The following FARS2 variants were observed in gnomAD, a reference collection of about 807,000 sequenced individuals.
FARS2 encodes phenylalanine--tRNA ligase, mitochondrial.
Under a neutral mutation model 46.4 loss-of-function variants are expected in FARS2, and 40 were observed. The observed-to-expected ratio is 0.86, with a 90% CI of 0.67 to 1.12. FARS2 has a LOEUF of 1.12. Ranked by LOEUF, FARS2 falls within the 50% of genes most tolerant of loss-of-function variation. The pLI is 0.00. For synonymous variants in FARS2, 234 were observed against 214.9 expected (o/e 1.09, Z -0.78); for missense variants, 513 against 567.9 (o/e 0.90, Z 0.98).
rs575773355 is a variant in FARS2 at position 5,473,707 on chromosome 6, G to C, written c.904+42535G>C. Among the ~76,000 whole-genome samples, 37 of 152,258 alleles carry C rather than the reference G, an allele frequency of 2.4e-4. No homozygotes were observed. In the South Asian group the frequency reaches 7.5e-3, roughly 31 times the overall value. Reference sequence around the variant, plus strand: ...TAGGGTGAATTTGGTAGAAGACTCAGTTTTTTATTTGCAGGCTAAATTGGA... The same window carrying C: ...TAGGGTGAATTTGGTAGAAGACTCACTTTTTTATTTGCAGGCTAAATTGGA... On this transcript the variant is annotated intron_variant, in intron 4 of 6. Coordinates refer to ENST00000274680, the MANE Select transcript of FARS2 (RefSeq NM_006567.5).
intron 4 of FARS2, among the ~76,000 whole-genome samples, chr6:5,462,458 A>G (rs1409114396): frequency 1.3e-5 from 2 of 152,066 alleles, no homozygotes; most frequent in Non-Finnish European, 2.9e-5. Flanking sequence ...GAACTATTTG[A>G]CTAACCCAAG....
At chr6:5,461,496 A>G (rs1371493124) in intron 4 of FARS2, among the ~76,000 whole-genome samples, 1 of 152,102 alleles carries the variant, frequency 6.6e-6, no homozygotes, top group Non-Finnish European at 1.5e-5. Context: ...ATCAACCCCA[A>G]AAAGTTTCCT....
At chr6:5,335,767 A>C (rs914715713) in intron 1 of FARS2, among the ~76,000 whole-genome samples, 1 of 152,232 alleles carries the variant, frequency 6.6e-6, no homozygotes, top group East Asian at 1.9e-4. Flanking sequence ...ATCAAAAGGT[A>C]TAAAACATTT....
chr6:5,461,882 A>C (rs1011726642), intron 4 of FARS2, among the ~76,000 whole-genome samples: 14 of 152,368 alleles, frequency 9.2e-5, no homozygotes, highest in Admixed American at 9.1e-4. Context: ...TGCTATAAAC[A>C]GTCACATACA....
chr6:5,627,036 A>G (rs1295103676), intron 6 of FARS2, among the ~76,000 whole-genome samples: 4 of 152,240 alleles, frequency 2.6e-5, no homozygotes, highest in Admixed American at 1.3e-4. Context: ...GTGGCAGCGT[A>G]GTAGGTTTGT....
chr6:5,707,347 C>G (rs554425513), intron 6 of FARS2, among the ~76,000 whole-genome samples: 22 of 152,304 alleles, frequency 1.4e-4, no homozygotes, highest in South Asian at 1.2e-3. Context: ...GTACCAGGGC[C>G]TTTCACAAGC....
At chr6:5,441,031 C>T (rs904848373) in intron 4 of FARS2, among the ~76,000 whole-genome samples, 2 of 151,984 alleles carry the variant, frequency 1.3e-5, no homozygotes, top group African/African-American at 4.8e-5. Context: ...AGGTGATTCT[C>T]CTGCCTCAGC....
rs147875536 is a variant in FARS2 at position 5,623,653 on chromosome 6, A to G, written c.1217+10333A>G. On this transcript the variant is annotated intron_variant, in intron 6 of 6. Transcript: ENST00000274680. ...ATTGAAGCCAGGAGGCGGAGGTCGC[A>G]GTGAGCTTAGATCATGCCACTACAC... Among the ~76,000 whole-genome samples the G allele has an allele frequency of 2.1e-3, 320 of 151,882 alleles. 4 individuals are homozygous for G. Among genetic ancestry groups the G allele is most frequent in the African/African-American group, 7.5e-3 (308 of 41,200 alleles).
chr6:5,304,711 G>A (rs1718419804), intron 1 of FARS2, among the ~76,000 whole-genome samples: 1 of 152,218 alleles, frequency 6.6e-6, no homozygotes, highest in Admixed American at 6.5e-5. Flanking sequence ...GGGACACCAT[G>A]CATTGCCTTT....
intron 1 of FARS2, among the ~76,000 whole-genome samples, chr6:5,268,321 G>A (rs1317636274): frequency 1.3e-5 from 2 of 151,838 alleles, no homozygotes; most frequent in African/African-American, 2.4e-5. Context: ...TTTCTTCTAG[G>A]GTTTTTATGG....
intron 4 of FARS2, among the ~76,000 whole-genome samples, chr6:5,454,842 A>T (rs1248463671): frequency 6.6e-6 from 1 of 152,186 alleles, no homozygotes; most frequent in Non-Finnish European, 1.5e-5. Flanking sequence ...CAGCTGAGCA[A>T]GCCTTTCGGT....
At chr6:5,437,589 T>C (rs1014632518) in intron 4 of FARS2, among the ~76,000 whole-genome samples, 2 of 152,212 alleles carry the variant, frequency 1.3e-5, no homozygotes, top group Admixed American at 6.5e-5. Flanking sequence ...CTTTTATCAT[T>C]GTGAAATGTC....
chr6:5,541,747 T>C (rs1582401047), intron 4 of FARS2, among the ~76,000 whole-genome samples: 1 of 152,152 alleles, frequency 6.6e-6, no homozygotes, highest in Non-Finnish European at 1.5e-5. Flanking sequence ...AAAGCAAGTT[T>C]ATTAAGAAAG....
chr6:5,520,940 C>G (rs1769095332), intron 4 of FARS2, among the ~76,000 whole-genome samples: 1 of 152,014 alleles, frequency 6.6e-6, no homozygotes, highest in Admixed American at 6.6e-5. Context: ...GATGCTACCC[C>G]CAAAAGAATC....
At chr6:5,504,930 GTAGCTGGGA>G (rs1768019107) in intron 4 of FARS2, among the ~76,000 whole-genome samples, 1 of 152,130 alleles carries the variant, frequency 6.6e-6, no homozygotes. Context: ...AGTCTCCCAA[GTAGCTGGGA>G]CCACAGATGC....
At chr6:5,477,654 G>A (rs1169962565) in intron 4 of FARS2, among the ~76,000 whole-genome samples, 1 of 152,130 alleles carries the variant, frequency 6.6e-6, no homozygotes, top group Non-Finnish European at 1.5e-5. Flanking sequence ...ACAAATTATT[G>A]TAAATTAATT....
intron 6 of FARS2, among the ~76,000 whole-genome samples, chr6:5,695,642 G>A (rs1339636140): frequency 6.6e-6 from 1 of 152,238 alleles, no homozygotes; most frequent in Non-Finnish European, 1.5e-5. Context: ...CCATATATAA[G>A]TAATGGACCC....
At chr6:5,557,147 A>G (rs2150527509) in intron 5 of FARS2, among the ~76,000 whole-genome samples, 1 of 152,250 alleles carries the variant, frequency 6.6e-6, no homozygotes, top group Non-Finnish European at 1.5e-5. Flanking sequence ...GGACAAGTTA[A>G]TGTCTTTTTT....
chr6:5,446,994 C>T (rs946215626), intron 4 of FARS2, among the ~76,000 whole-genome samples: 9 of 152,096 alleles, frequency 5.9e-5, no homozygotes, highest in Non-Finnish European at 8.8e-5. Flanking sequence ...AGGTTGGAAC[C>T]TAGATAGGGT....
Sources: gnomAD v4.1 joint callset for allele counts (sites outside exome capture counted in the v4.1 genomes callset) on GRCh38, gnomAD v4.1.1 for gene constraint, MANE v1.5 for transcripts, NCBI Gene and HGNC (gene_info 2026-07-23, HGNC 2026-07-21) for gene names.